Variants in FMC1 observed in about 807,000 individuals in gnomAD.
FMC1 encodes the protein formation of mitochondrial complex V assembly factor 1, also known as protein FMC1 homolog.
In FMC1, 6 loss-of-function variants were observed where a neutral mutation model predicts 10.5. That is an observed-to-expected ratio of 0.57 (90% CI 0.31 to 1.12). FMC1 has a LOEUF of 1.12. Ranked by LOEUF, FMC1 falls within the 50% of genes most tolerant of loss-of-function variation. FMC1 has a pLI of 0.05. For synonymous variants in FMC1, 59 were observed against 62.1 expected, an observed-to-expected ratio of 0.95 and a Z score of 0.24; for missense variants, 146 against 151.7, an observed-to-expected ratio of 0.96 and a Z score of 0.20.
chr7:139,344,538 GTTGA>G (rs772933253), intron 1 of FMC1, among the ~76,000 whole-genome samples: 9 of 151,896 alleles, frequency 5.9e-5, no homozygotes, highest in Non-Finnish European at 1.3e-4. Flanking sequence ...TTTATCACAA[GTTGA>G]TTGAATCCAA....
intron 1 of FMC1, among the ~76,000 whole-genome samples, chr7:139,343,446 C>T (rs1443681060): frequency 6.6e-6 from 1 of 152,130 alleles, no homozygotes; most frequent in African/African-American, 2.4e-5. Flanking sequence ...GCGTGATGGC[C>T]CATCCTCTAG....
chr7:139,345,267 T>C (rs1383916546), intron 1 of FMC1, among the ~76,000 whole-genome samples: 1 of 152,178 alleles, frequency 6.6e-6, no homozygotes, highest in Non-Finnish European at 1.5e-5. Flanking sequence ...CAGTACTGAC[T>C]GAATACAGGG....
At chr7:139,345,113 T>C (rs1469314162) in intron 1 of FMC1, 1 of 168,528 alleles carries the variant, frequency 5.9e-6, no homozygotes, top group East Asian at 1.7e-4. Context: ...AGGGAGAAAG[T>C]TCTACATAAT....
rs145330852 is a variant in FMC1, at chr7:139,345,623, T to C, written c.261T>C (p.Gly87=). ...TACATCAGGAATTTCATGGCAAGGG[T>C]GAGCGCTCGGTGGAGGAGTCTGCTG... ...VALHQEFHGK[G]ERSVEESAGL... Residue 87 remains glycine (G), a synonymous_variant, in exon 2 of 2, where the codon GGT becomes GGC. Transcript: ENST00000297534. 1.1e-4 allele frequency: 177 copies of C among 1,614,152 alleles called. No individual in the cohort carries two copies. The highest frequency in any genetic ancestry group is 1.6e-4 in the Middle Eastern group (1 of 6,062).
rs200830871 is a variant in FMC1 at position 139,345,628 on chromosome 7, G to A, written c.266G>A (p.Arg89His). ...CAGGAATTTCATGGCAAGGGTGAGCGCTCGGTGGAGGAGTCTGCTGGCTTG... is the reference window on the plus strand; with the variant it reads ...CAGGAATTTCATGGCAAGGGTGAGCACTCGGTGGAGGAGTCTGCTGGCTTG... The part of the protein sequence containing the change: ...LHQEFHGKGE[R>H]SVEESAGLVG... Residue 89 changes from arginine to histidine, a missense_variant, in exon 2 of 2, where the codon CGC (arginine) becomes CAC (histidine). Physicochemically the swap from Arg to His is conservative, Grantham distance 29 (BLOSUM62 0). Coordinates refer to ENST00000297534, the MANE Select transcript of FMC1 (RefSeq NM_197964.5). The A allele has an allele frequency of 8.8e-5, 142 of 1,614,152 alleles. No individual in the cohort carries two copies. The East Asian group carries it at 9.4e-4, about 11-fold the overall frequency.
At chr7:139,343,791 C>T (rs1164450312) in intron 1 of FMC1, among the ~76,000 whole-genome samples, 3 of 151,658 alleles carry the variant, frequency 2.0e-5, no homozygotes, top group South Asian at 2.1e-4. Flanking sequence ...AAAAATTAGC[C>T]GGATATGGTG....
chr7:139,343,735 G>A (rs1438371297), intron 1 of FMC1, among the ~76,000 whole-genome samples: 2 of 151,986 alleles, frequency 1.3e-5, no homozygotes, highest in Non-Finnish European at 2.9e-5. Context: ...AGGAGTTCAC[G>A]ACCAGCCTGG....
chr7:139,341,584 C>A, intron 1 of FMC1, 62 bp downstream of exon 1: 1 of 1,581,512 alleles, frequency 6.3e-7, no homozygotes, highest in Non-Finnish European at 8.6e-7. Flanking sequence ...CGGGTCTGGG[C>A]TAGGGTGGGG....
chr7:139,341,581 G>T, intron 1 of FMC1, 59 bp downstream of exon 1: 1 of 1,581,960 alleles, frequency 6.3e-7, no homozygotes, highest in Non-Finnish European at 8.6e-7. Context: ...AGCCGGGTCT[G>T]GGCTAGGGTG....
intron 1 of FMC1, among the ~76,000 whole-genome samples, chr7:139,342,737 C>T (rs1019215366): frequency 6.6e-6 from 1 of 152,190 alleles, no homozygotes; most frequent in Non-Finnish European, 1.5e-5. Context: ...GTTGTAATTA[C>T]AGGCGTGAAC....
rs1563247438 is a variant in FMC1 at position 139,343,703 on chromosome 7, G to A, written c.139-1798G>A. On this transcript the variant is annotated intron_variant, in intron 1 of 1. Transcript: ENST00000297534. ...TAATCCCAGCACTCTGGGAGGAGGCGGCAGGTGGATCGCTTGTGCCCAGGA... is the reference window on the plus strand; with the variant it reads ...TAATCCCAGCACTCTGGGAGGAGGCAGCAGGTGGATCGCTTGTGCCCAGGA... Among the ~76,000 whole-genome samples, 3 of 152,110 alleles carry A rather than the reference G, an allele frequency of 2.0e-5. 1 individual carries two copies. In the South Asian group the frequency reaches 6.2e-4, roughly 32 times the overall value.
At chr7:139,341,693 A>G (rs1798979991) in intron 1 of FMC1, among the ~76,000 whole-genome samples, 171 bp downstream of exon 1, 1 of 152,116 alleles carries the variant, frequency 6.6e-6, no homozygotes, top group South Asian at 2.1e-4. Flanking sequence ...GCTCTGGCAT[A>G]AACTCGGGGA....
chr7:139,342,190 C>G (rs1799013858), intron 1 of FMC1, among the ~76,000 whole-genome samples: 1 of 118,648 alleles, frequency 8.4e-6, no homozygotes, highest in African/African-American at 6.4e-5. Context: ...CACATGTGTC[C>G]TGTCCTTAAG....
upstream of FMC1, chr7:139,340,513 C>G (rs1798881018): frequency 2.5e-6 from 1 of 398,490 alleles, no homozygotes. Context: ...GGTGCAGTTT[C>G]GAGGGTAAAG....
upstream of FMC1, chr7:139,341,173 A>G (rs1294786657): frequency 1.4e-6 from 1 of 735,314 alleles, no homozygotes; most frequent in Non-Finnish European, 2.0e-6. Flanking sequence ...ACCTTCAGTT[A>G]ACAGTCGGGT....
chr7:139,345,482 T>C lies in FMC1; in HGVS notation c.139-19T>C. 6.2e-7 allele frequency: 1 copy of C among 1,614,032 alleles called. No individual in the cohort carries two copies. Reference sequence around the variant, plus strand: ...TATCTCTAGCTGGGTTAAGAATTTCTGACTTGCTGCTTCTCTAGGTCACCA... The same window carrying C: ...TATCTCTAGCTGGGTTAAGAATTTCCGACTTGCTGCTTCTCTAGGTCACCA... On this transcript the variant is annotated intron_variant, in intron 1 of 1. Transcript: ENST00000297534.
chr7:139,345,878 C>G lies in FMC1; in HGVS notation c.*174C>G. 1 of 701,518 alleles carries G rather than the reference C, an allele frequency of 1.4e-6. No homozygotes were observed. The highest frequency in any genetic ancestry group is 2.2e-6 in the Non-Finnish European group (1 of 463,732). 43.5% of individuals were successfully genotyped at this position (701,518 alleles called of 1,614,324 possible). A position where few individuals can be genotyped will look rare whatever the true frequency, so the allele number is the denominator to read the frequency against. ...CTTTACTCTCAGTGAATTTACTGAA[C>G]TTTTTGCACTAGACTGATGTTGTTT... is the stretch of plus-strand genomic sequence containing the variant. On this transcript the variant is annotated 3_prime_UTR_variant, in exon 2 of 2. Coordinates refer to ENST00000297534, the MANE Select transcript of FMC1 (RefSeq NM_197964.5).
chr7:139,341,666 C>T, intron 1 of FMC1, 144 bp downstream of exon 1: 2 of 1,402,588 alleles, frequency 1.4e-6, no homozygotes, highest in South Asian at 1.5e-5. Context: ...CAAACCAACC[C>T]AGGCCCTAGG....
At chr7:139,343,087 C>G (rs1799081639) in intron 1 of FMC1, among the ~76,000 whole-genome samples, 1 of 152,154 alleles carries the variant, frequency 6.6e-6, no homozygotes, top group Non-Finnish European at 1.5e-5. Context: ...TTACTGTTTC[C>G]TGTCTATTGC....
Sources: allele counts gnomAD v4.1 joint callset (sites outside exome capture counted in the v4.1 genomes callset), GRCh38; gene constraint gnomAD v4.1.1; transcripts MANE v1.5; gene names NCBI Gene and HGNC (gene_info 2026-07-23, HGNC 2026-07-21).